Variants in PCDHGA9 observed in about 807,000 individuals in gnomAD.
PCDHGA9 encodes the protein protocadherin gamma subfamily A, 9.
A neutral mutation model predicts 62.5 loss-of-function variants in PCDHGA9; 37 were observed. The ratio of observed to expected loss-of-function variants is 0.59; its 90% CI spans 0.46 to 0.78. PCDHGA9 has a LOEUF of 0.78. Ranked by LOEUF, PCDHGA9 falls within the 30% of genes least tolerant of loss-of-function variation. PCDHGA9 has a pLI of 0.00. For synonymous variants in PCDHGA9, 459 were observed against 484.6 expected (o/e 0.95, Z 0.69); for missense variants, 1,138 against 1,166.2 (o/e 0.98, Z 0.35).
intron 1 of PCDHGA9, chr5:141,410,258 G>T: frequency 6.2e-7 from 1 of 1,614,022 alleles, no homozygotes; most frequent in Non-Finnish European, 8.5e-7. Flanking sequence ...TGACCCCCAG[G>T]CTGAACTGCA....
In PCDHGA9 at chr5:141,511,236, C is replaced by T; in HGVS notation, c.*63C>T. 4 of 1,591,606 alleles carry T rather than the reference C, an allele frequency of 2.5e-6. No individual in the cohort carries two copies. Among genetic ancestry groups the T allele is most frequent in the Admixed American group, 3.6e-5 (2 of 56,022 alleles). ...CCCAACCAGCCCAGCTTCTCCTTAC[C>T]TGCACCCAGGCCTCAGAGTTTCAGG... On this transcript the variant is annotated 3_prime_UTR_variant, in exon 4 of 4. Transcript: ENST00000573521.
At chr5:141,456,912 G>A (rs566842808) in intron 1 of PCDHGA9, among the ~76,000 whole-genome samples, 2 of 152,206 alleles carry the variant, frequency 1.3e-5, no homozygotes, top group South Asian at 2.1e-4. Context: ...GCAGTGAGCC[G>A]AGATCGCACC....
At position 141,477,924 on chromosome 5, in the gene PCDHGA9, A is replaced by G; in HGVS notation, c.2425-16883A>G. 1 of 1,614,140 alleles carries G rather than the reference A, an allele frequency of 6.2e-7. No homozygotes were observed. On this transcript the variant is annotated intron_variant, in intron 1 of 3. Transcript: ENST00000573521. The surrounding 1 kb of genome is among the most constrained non-coding windows in gnomAD (Gnocchi z 4.9). ...GGCTGGGACGCGGATGCAGGGCACA[A>G]TGCCTGGCTCTCCTACAGTCTCTTG...
At chr5:141,504,529 G>A (rs1333393859) in intron 2 of PCDHGA9, among the ~76,000 whole-genome samples, 1 of 151,900 alleles carries the variant, frequency 6.6e-6, no homozygotes, top group African/African-American at 2.4e-5. Context: ...TATTTTATTC[G>A]TGTCATCATG....
chr5:141,432,964 G>A lies in PCDHGA9; in HGVS notation c.2424+27588G>A, dbSNP rs2097554835. On this transcript the variant is annotated intron_variant, in intron 1 of 3. Transcript: ENST00000573521. This position sits in a 1 kb window ranked among gnomAD's most constrained non-coding sequence, Gnocchi z 6.0. Reference sequence around the variant, plus strand: ...CTTCAGGAGGCGGCTTGACAGGAGCGCCGGCGTCGCACTTTGTGGGCGTGG... The same window carrying A: ...CTTCAGGAGGCGGCTTGACAGGAGCACCGGCGTCGCACTTTGTGGGCGTGG... The A allele has an allele frequency of 6.2e-7, 1 of 1,614,044 alleles. No homozygotes were observed. Among genetic ancestry groups the A allele is most frequent in the African/African-American group, 1.3e-5 (1 of 74,934 alleles).
chr5:141,452,884 A>C (rs746547069), intron 1 of PCDHGA9, among the ~76,000 whole-genome samples: 1 of 152,204 alleles, frequency 6.6e-6, no homozygotes, highest in Non-Finnish European at 1.5e-5. Flanking sequence ...GTAATAATTT[A>C]TTCCACTTTT....
intron 1 of PCDHGA9, chr5:141,428,067 G>A (rs753358896): frequency 6.2e-7 from 1 of 1,609,228 alleles, no homozygotes; most frequent in South Asian, 1.1e-5. Flanking sequence ...GGTGGACGCA[G>A]ATTCGGGACA....
intron 1 of PCDHGA9, among the ~76,000 whole-genome samples, chr5:141,438,747 T>C (rs2098059577): frequency 6.7e-6 from 1 of 148,680 alleles, no homozygotes. Flanking sequence ...CTGCAACCTC[T>C]GCCTCCTGGG....
chr5:141,475,167 G>A (rs529813171), intron 1 of PCDHGA9, among the ~76,000 whole-genome samples: 4 of 152,042 alleles, frequency 2.6e-5, no homozygotes, highest in Admixed American at 6.6e-5. Flanking sequence ...CATTAGCAGT[G>A]CAACTTCTTG....
intron 1 of PCDHGA9, among the ~76,000 whole-genome samples, chr5:141,406,372 T>C (rs1010742441): frequency 1.3e-5 from 2 of 152,204 alleles, no homozygotes; most frequent in African/African-American, 4.8e-5. Flanking sequence ...AAGGGTAAAC[T>C]GATAAAAAGG....
rs745435492 is a variant in PCDHGA9, at chr5:141,489,215, A to G, written c.2425-5592A>G. The G allele has an allele frequency of 4.1e-6, 6 of 1,475,362 alleles. No homozygotes were observed. Among genetic ancestry groups the G allele is most frequent in the Non-Finnish European group, 5.5e-6 (6 of 1,093,140 alleles). 91.4% of individuals were successfully genotyped at this position (1,475,362 alleles called of 1,614,324 possible). A position where few individuals can be genotyped will look rare whatever the true frequency, so the allele number is the denominator to read the frequency against. ...CTTGGAGACAGGACAGCACAGACTT[A>G]CTCTCCACAAAGGGACTTCTGGGTC... On this transcript the variant is annotated intron_variant, in intron 1 of 3. Coordinates refer to ENST00000573521, the MANE Select transcript of PCDHGA9 (RefSeq NM_018921.3). The surrounding 1 kb of genome is among the most constrained non-coding windows in gnomAD (Gnocchi z 4.5).
Position 141,489,640 on chromosome 5 carries a change from G to A in PCDHGA9, c.2425-5167G>A. The A allele has an allele frequency of 1.2e-6, 2 of 1,614,146 alleles. No individual in the cohort carries two copies. Among genetic ancestry groups the A allele is most frequent in the Non-Finnish European group, 1.7e-6 (2 of 1,180,010 alleles). Reference sequence around the variant, plus strand: ...TCTCAATGACAACTCTCCTAGCTTTGCCACCCCTGAGCGAGAGATGCGCAT... The same window carrying A: ...TCTCAATGACAACTCTCCTAGCTTTACCACCCCTGAGCGAGAGATGCGCAT... On this transcript the variant is annotated intron_variant, in intron 1 of 3. Transcript: ENST00000573521. The surrounding 1 kb of genome is among the most constrained non-coding windows in gnomAD (Gnocchi z 4.5).
Position 141,423,519 on chromosome 5 carries a change from G to A in PCDHGA9, c.2424+18143G>A, listed in dbSNP as rs758742300. On this transcript the variant is annotated intron_variant, in intron 1 of 3. Coordinates refer to ENST00000573521, the MANE Select transcript of PCDHGA9 (RefSeq NM_018921.3). ...ACGAGGTCTCTCTCATTGCGGACTC[G>A]CAGAAGAGTCACCTGATTTTCCCCC... 8.1e-6 allele frequency: 13 copies of A among 1,613,752 alleles called. 1 individual carries two copies. In the South Asian group the frequency reaches 1.1e-4, roughly 14 times the overall value.
chr5:141,441,810 C>A, intron 1 of PCDHGA9: 1 of 372,576 alleles, frequency 2.7e-6, no homozygotes. Context: ...GGTGCTGTAC[C>A]CCAGCTCTGG....
At position 141,489,297 on chromosome 5, in the gene PCDHGA9, G is replaced by A. The variant is rs184934961; in HGVS notation, c.2425-5510G>A. 5.1e-6 allele frequency: 8 copies of A among 1,583,774 alleles called. No homozygotes were observed. Among genetic ancestry groups the A allele is most frequent in the Non-Finnish European group, 6.9e-6 (8 of 1,164,904 alleles). ...GGAAATGGCAAGTGCTGTGCATGTT[G>A]TCCTTGTGCTGCTGGGGCTGGGTGT... is the stretch of plus-strand genomic sequence containing the variant. On this transcript the variant is annotated intron_variant, in intron 1 of 3. Coordinates refer to ENST00000573521, the MANE Select transcript of PCDHGA9 (RefSeq NM_018921.3). This position sits in a 1 kb window ranked among gnomAD's most constrained non-coding sequence, Gnocchi z 4.5.
intron 1 of PCDHGA9, among the ~76,000 whole-genome samples, chr5:141,456,985 A>C (rs2098902590): frequency 6.6e-6 from 1 of 152,204 alleles, no homozygotes; most frequent in Non-Finnish European, 1.5e-5. Context: ...ACAAACAAAC[A>C]AACAAAAACT....
Position 141,403,062 on chromosome 5 carries a change from A to G in PCDHGA9, c.110A>G (p.Glu37Gly), listed in dbSNP as rs780758422. Residue 37 changes from glutamate to glycine, a missense_variant, in exon 1 of 4, where the codon GAA (glutamate) becomes GGA (glycine). By Grantham distance (98) the Glu-to-Gly change is moderately conservative. Transcript: ENST00000573521. ...RASQIRYSVP[E>G]ETEKGYIVGN... ...AGTCAGATTCGCTACTCAGTGCCTG[A>G]AGAGACAGAAAAGGGCTATATTGTG... is the stretch of plus-strand genomic sequence containing the variant. The G allele has an allele frequency of 7.4e-6, 12 of 1,613,964 alleles. 1 individual carries two copies. The South Asian group carries it at 1.1e-4, about 15-fold the overall frequency.
rs1440733700 is a variant in PCDHGA9 at position 141,441,803 on chromosome 5, G to A, written c.2424+36427G>A. 249 of 383,164 alleles carry A rather than the reference G, an allele frequency of 6.5e-4. 2 individuals carry two copies. Among genetic ancestry groups the A allele is most frequent in the African/African-American group, 4.8e-3 (220 of 45,902 alleles). The allele number at this position is 383,164 out of a possible 1,614,324, so 23.7% of individuals were successfully genotyped here. The stretch of plus-strand genomic sequence containing the variant: ...ACCTGAATGACAACGCACCGCGGGT[G>A]CTGTACCCCAGCTCTGGAGCGCAAT... On this transcript the variant is annotated intron_variant, in intron 1 of 3. Coordinates refer to ENST00000573521, the MANE Select transcript of PCDHGA9 (RefSeq NM_018921.3).
Position 141,487,226 on chromosome 5 carries a change from G to A in PCDHGA9, c.2425-7581G>A. ...TCGAGAATCTTCAGCTCCAAGGGAA[G>A]GAGAATCTCGTCTAACCCTCTACTT... is the stretch of plus-strand genomic sequence containing the variant. On this transcript the variant is annotated intron_variant, in intron 1 of 3. Transcript: ENST00000573521. This position sits in a 1 kb window ranked among gnomAD's most constrained non-coding sequence, Gnocchi z 5.0. The A allele has an allele frequency of 6.2e-7, 1 of 1,614,104 alleles. No individual in the cohort carries two copies. Among genetic ancestry groups the A allele is most frequent in the South Asian group, 1.1e-5 (1 of 91,074 alleles).
Sources: allele counts gnomAD v4.1 joint callset (sites outside exome capture counted in the v4.1 genomes callset), GRCh38; gene constraint gnomAD v4.1.1; non-coding constraint Gnocchi (gnomAD v3.1); transcripts MANE v1.5; gene names NCBI Gene and HGNC (gene_info 2026-07-23, HGNC 2026-07-21).